The following ALK variants were observed in gnomAD, a reference collection of about 807,000 sequenced individuals.
ALK encodes the protein ALK receptor tyrosine kinase, also known as ALK tyrosine kinase receptor.
A neutral mutation model predicts 163.1 loss-of-function variants in ALK; 74 were observed. That is an observed-to-expected ratio of 0.45 (90% CI 0.38 to 0.55). ALK has a LOEUF of 0.55. ALK is among the 20% of genes least tolerant of loss of function. The pLI, the probability that ALK is intolerant of heterozygous loss-of-function variation, is 0.00. For missense variants in ALK, 2,063 were observed against 2,105.3 expected (o/e 0.98, Z 0.39); for synonymous variants, 960 against 843.2 (o/e 1.14, Z -2.40).
At chr2:29,273,518 G>A (rs1448883085) in intron 11 of ALK, among the ~76,000 whole-genome samples, 1 of 152,212 alleles carries the variant, frequency 6.6e-6, no homozygotes, top group South Asian at 2.1e-4. Flanking sequence ...AACCTTTTAG[G>A]GACAGTGGGA....
intron 15 of ALK, among the ~76,000 whole-genome samples, chr2:29,231,872 C>T (rs1022165155): frequency 3.9e-5 from 6 of 152,146 alleles, no homozygotes; most frequent in South Asian, 4.1e-4. Context: ...GATTTTCCAG[C>T]GGGGATACGC....
intron 5 of ALK, among the ~76,000 whole-genome samples, chr2:29,345,982 A>G (rs970796811): frequency 1.3e-5 from 2 of 152,242 alleles, no homozygotes; most frequent in African/African-American, 4.8e-5. Context: ...GGAGAGGATT[A>G]TGAATGCTTT....
intron 3 of ALK, among the ~76,000 whole-genome samples, chr2:29,679,201 G>A (rs948526263): frequency 1.3e-5 from 2 of 151,772 alleles, no homozygotes; most frequent in African/African-American, 4.8e-5. Context: ...AATTGTTTGT[G>A]TGATATCTCT....
At chr2:29,762,741 GA>G (rs1440461157) in intron 1 of ALK, among the ~76,000 whole-genome samples, 4 of 152,190 alleles carry the variant, frequency 2.6e-5, no homozygotes, top group Non-Finnish European at 4.4e-5. Flanking sequence ...GAGGTTAGAG[GA>G]GAGACTTTAA....
intron 11 of ALK, among the ~76,000 whole-genome samples, chr2:29,263,931 C>A (rs1665149728): frequency 6.6e-6 from 1 of 152,228 alleles, no homozygotes; most frequent in African/African-American, 2.4e-5. Context: ...GATCCTACTT[C>A]AACCTCAATG....
intron 9 of ALK, among the ~76,000 whole-genome samples, chr2:29,294,187 G>A (rs1666117548): frequency 3.9e-5 from 6 of 152,170 alleles, no homozygotes; most frequent in Admixed American, 3.3e-4. Flanking sequence ...CCTTGCTTAT[G>A]TCTTCCTCTA....
chr2:29,494,531 G>T (rs138367558), intron 4 of ALK, among the ~76,000 whole-genome samples: 13 of 152,248 alleles, frequency 8.5e-5, no homozygotes, highest in African/African-American at 3.1e-4. Flanking sequence ...GGGTGGGTGG[G>T]GGAGTGACAG....
intron 1 of ALK, among the ~76,000 whole-genome samples, chr2:29,886,666 A>G (rs961244988): frequency 6.6e-6 from 1 of 152,210 alleles, no homozygotes; most frequent in Non-Finnish European, 1.5e-5. Context: ...AGAGACACTC[A>G]AGTAAGACAG....
intron 3 of ALK, among the ~76,000 whole-genome samples, chr2:29,644,238 G>T (rs555739718): frequency 7.9e-6 from 1 of 127,106 alleles, no homozygotes; most frequent in Non-Finnish European, 1.6e-5. Context: ...TCACACACTG[G>T]GGCCTGTTGC....
In ALK at chr2:29,888,251, T is replaced by TTG. The variant is rs1319489099; in HGVS notation, c.667+31741_667+31742insCA. Reference sequence around the variant, plus strand: ...AGCACATGGTCCAATAAATTGTTTTTTTTTTTTTTTAAAAAAAGGGAAACT... The same window carrying TTG: ...AGCACATGGTCCAATAAATTGTTTTTTGTTTTTTTTTTAAAAAAAGGGAAACT... On this transcript the variant is annotated intron_variant, in intron 1 of 28. Coordinates refer to ENST00000389048, the MANE Select transcript of ALK (RefSeq NM_004304.5). 3.2e-4 allele frequency among the ~76,000 whole-genome samples: 25 copies of TTG among 77,596 alleles called. No individual in the cohort carries two copies. The East Asian group carries it at 6.6e-3, about 20-fold the overall frequency. 50.9% of individuals were successfully genotyped at this position (77,596 alleles called of 152,430 possible). A position where few individuals can be genotyped will look rare whatever the true frequency, so the allele number is the denominator to read the frequency against.
intron 1 of ALK, among the ~76,000 whole-genome samples, chr2:29,905,085 GCCA>G (rs1214031012): frequency 6.6e-6 from 1 of 152,224 alleles, no homozygotes; most frequent in East Asian, 1.9e-4. Flanking sequence ...TTCTCCAGAT[GCCA>G]CCACACCACT....
chr2:29,652,962 G>A (rs1677076684), intron 3 of ALK, among the ~76,000 whole-genome samples: 1 of 152,120 alleles, frequency 6.6e-6, no homozygotes, highest in Non-Finnish European at 1.5e-5. Context: ...AACCCAAAGT[G>A]GCAATGGTGA....
intron 1 of ALK, among the ~76,000 whole-genome samples, chr2:29,901,650 G>A (rs906175969): frequency 6.6e-6 from 1 of 152,082 alleles, no homozygotes. Flanking sequence ...CAAACAACAG[G>A]GCTGTCCAGG....
intron 1 of ALK, among the ~76,000 whole-genome samples, chr2:29,840,956 C>T (rs1297042478): frequency 1.3e-5 from 2 of 152,072 alleles, no homozygotes; most frequent in African/African-American, 2.4e-5. Context: ...ATCTTTTCAC[C>T]CTCACTATAC....
chr2:29,381,167 T>C (rs745669817), intron 5 of ALK, among the ~76,000 whole-genome samples: 3 of 152,258 alleles, frequency 2.0e-5, no homozygotes, highest in Non-Finnish European at 2.9e-5. Context: ...TGGCAAGTTT[T>C]GAAACTTCTG....
intron 3 of ALK, among the ~76,000 whole-genome samples, chr2:29,618,378 G>T (rs189807853): frequency 2.0e-5 from 3 of 152,122 alleles, no homozygotes; most frequent in African/African-American, 7.2e-5. Context: ...TCTAAAACTC[G>T]GTGCTACCTT....
At chr2:29,708,889 A>G (rs1021204806) in intron 2 of ALK, among the ~76,000 whole-genome samples, 13 of 152,212 alleles carry the variant, frequency 8.5e-5, no homozygotes, top group Admixed American at 3.3e-4. Context: ...CTCATAGACC[A>G]AATTATTCTA....
Position 29,513,024 on chromosome 2 carries a change from T to G in ALK, c.1154+18891A>C, listed in dbSNP as rs552456256. ...AGGATGCAAACAAATGGAAGAACATTCCATGCTCATGGGTAGGAAGAATCA... is the reference window on the plus strand; with the variant it reads ...AGGATGCAAACAAATGGAAGAACATGCCATGCTCATGGGTAGGAAGAATCA... On this transcript the variant is annotated intron_variant, in intron 4 of 28. Coordinates refer to ENST00000389048, the MANE Select transcript of ALK (RefSeq NM_004304.5). 2.7e-3 allele frequency among the ~76,000 whole-genome samples: 407 copies of G among 151,430 alleles called. 2 individuals are homozygous for G. The highest frequency in any genetic ancestry group is 9.6e-3 in the African/African-American group (392 of 41,036).
intron 3 of ALK, among the ~76,000 whole-genome samples, chr2:29,601,159 G>A (rs1214294244): frequency 6.6e-6 from 1 of 152,180 alleles, no homozygotes; most frequent in Non-Finnish European, 1.5e-5. Flanking sequence ...CTTGGCAAAT[G>A]GCCTCTGAAA....
Sources: allele counts gnomAD v4.1 joint callset (sites outside exome capture counted in the v4.1 genomes callset), GRCh38; gene constraint gnomAD v4.1.1; transcripts MANE v1.5; gene names NCBI Gene and HGNC (gene_info 2026-07-23, HGNC 2026-07-21).